The following CHN1 variants were observed in gnomAD, a reference collection of about 807,000 sequenced individuals.
CHN1 encodes the protein N-chimaerin.
In CHN1, 37 loss-of-function variants were observed where a neutral mutation model predicts 59.5. That is an observed-to-expected ratio of 0.62 (90% confidence interval 0.48 to 0.82). The LOEUF (loss-of-function observed/expected upper bound fraction) is 0.82. Among genes scored for constraint, CHN1 ranks in the 40% least tolerant of loss-of-function variants. The pLI is 0.00. For synonymous variants in CHN1, 206 were observed against 200.4 expected (o/e 1.03, Z -0.24); for missense variants, 469 against 571.0 (o/e 0.82, Z 1.82).
At chr2:174,997,121 C>T (rs1691734011) in intron 1 of CHN1, among the ~76,000 whole-genome samples, 1 of 152,190 alleles carries the variant, frequency 6.6e-6, no homozygotes, top group African/African-American at 2.4e-5. Flanking sequence ...ATATTAGGCA[C>T]TCACTAAATA....
At chr2:174,929,030 AGATT>A (rs1689255266) in intron 3 of CHN1, among the ~76,000 whole-genome samples, 1 of 152,204 alleles carries the variant, frequency 6.6e-6, no homozygotes, top group East Asian at 1.9e-4. Flanking sequence ...AAACTTACAC[AGATT>A]GTTTTACTTC....
At chr2:174,965,071 T>C (rs980478213) in intron 1 of CHN1, among the ~76,000 whole-genome samples, 1 of 152,118 alleles carries the variant, frequency 6.6e-6, no homozygotes, top group Non-Finnish European at 1.5e-5. Flanking sequence ...TGATATAATT[T>C]ATAACATTAT....
chr2:174,972,720 T>G (rs1209516987), intron 1 of CHN1, among the ~76,000 whole-genome samples: 1 of 152,148 alleles, frequency 6.6e-6, no homozygotes, highest in Non-Finnish European at 1.5e-5. Flanking sequence ...AAAGTCAGGT[T>G]GATTCAGTGC....
intron 1 of CHN1, among the ~76,000 whole-genome samples, chr2:174,953,066 G>A (rs1413800999): frequency 1.3e-5 from 2 of 151,494 alleles, no homozygotes; most frequent in African/African-American, 2.4e-5. Context: ...ACATTTTTTG[G>A]TATAGAAAGG....
At chr2:174,910,802 A>C (rs1432579838) in intron 5 of CHN1, among the ~76,000 whole-genome samples, 1 of 147,578 alleles carries the variant, frequency 6.8e-6, no homozygotes, top group East Asian at 2.1e-4. Context: ...CGGGAGGCTG[A>C]GGCAGGAGAA....
intron 6 of CHN1, among the ~76,000 whole-genome samples, chr2:174,871,215 A>G (rs1687394886): frequency 6.6e-6 from 1 of 150,618 alleles, no homozygotes; most frequent in African/African-American, 2.4e-5. Context: ...AAAGAGGAGC[A>G]TCTAGCCACC....
intron 5 of CHN1, among the ~76,000 whole-genome samples, chr2:174,879,107 G>A (rs1432251338): frequency 6.6e-6 from 1 of 152,114 alleles, no homozygotes; most frequent in Non-Finnish European, 1.5e-5. Context: ...AGTCACAAAG[G>A]ATATATTTAA....
chr2:174,978,587 T>C (rs1044466601), intron 1 of CHN1, among the ~76,000 whole-genome samples: 1 of 152,206 alleles, frequency 6.6e-6, no homozygotes, highest in Non-Finnish European at 1.5e-5. Flanking sequence ...TGCACCACAT[T>C]GAGAGACTAA....
intron 5 of CHN1, among the ~76,000 whole-genome samples, chr2:174,899,783 C>T (rs992124884): frequency 4.6e-5 from 7 of 152,104 alleles, no homozygotes; most frequent in Non-Finnish European, 8.8e-5. Context: ...AAGAATAATT[C>T]CCCAAAATTG....
At chr2:174,911,447 A>G (rs1020750295) in intron 5 of CHN1, among the ~76,000 whole-genome samples, 71 of 152,336 alleles carry the variant, frequency 4.7e-4, no homozygotes, top group Middle Eastern at 3.4e-3. Flanking sequence ...CACTCTGAAC[A>G]CGCAAATGTC....
chr2:174,831,850 C>G (rs888201779), intron 7 of CHN1, among the ~76,000 whole-genome samples: 27 of 152,094 alleles, frequency 1.8e-4, no homozygotes, highest in Non-Finnish European at 4.0e-4. Flanking sequence ...TAAAAATCAA[C>G]ACTTTGAAAT....
At chr2:174,877,423 A>G (rs1484307889) in intron 6 of CHN1, among the ~76,000 whole-genome samples, 2 of 152,106 alleles carry the variant, frequency 1.3e-5, no homozygotes, top group African/African-American at 4.8e-5. Flanking sequence ...AATCTTGCTA[A>G]GAACACAACT....
At chr2:174,922,866 AC>A (rs750539791) in intron 3 of CHN1, among the ~76,000 whole-genome samples, 3 of 152,230 alleles carry the variant, frequency 2.0e-5, no homozygotes, top group Admixed American at 6.5e-5. Context: ...ACGATTGAAT[AC>A]AAATATAAAT....
At chr2:174,972,941 T>C (rs1690804887) in intron 1 of CHN1, among the ~76,000 whole-genome samples, 1 of 152,206 alleles carries the variant, frequency 6.6e-6, no homozygotes, top group Non-Finnish European at 1.5e-5. Flanking sequence ...GTTCCTAATA[T>C]AATCACTGAT....
At chr2:174,972,583 G>A (rs1457038860) in intron 1 of CHN1, among the ~76,000 whole-genome samples, 1 of 152,172 alleles carries the variant, frequency 6.6e-6, no homozygotes, top group African/African-American at 2.4e-5. Context: ...GAAGTGGGTG[G>A]CAGAGCAGTA....
At chr2:174,979,647 T>C (rs2105447882) in intron 1 of CHN1, among the ~76,000 whole-genome samples, 1 of 152,192 alleles carries the variant, frequency 6.6e-6, no homozygotes, top group South Asian at 2.1e-4. Context: ...ACCCCATCTC[T>C]ACTGGCGGGT....
At chr2:174,804,933 T>C (rs1030217832) in intron 11 of CHN1, among the ~76,000 whole-genome samples, 3 of 152,242 alleles carry the variant, frequency 2.0e-5, no homozygotes, top group Non-Finnish European at 4.4e-5. Flanking sequence ...TGAGATCAAA[T>C]TGGCAGACAT....
At chr2:174,868,804 A>G (rs776685232) in intron 6 of CHN1, among the ~76,000 whole-genome samples, 2 of 152,248 alleles carry the variant, frequency 1.3e-5, no homozygotes, top group African/African-American at 2.4e-5. Context: ...TTCAAGGAGC[A>G]TAAGGAGAGA....
intron 1 of CHN1, among the ~76,000 whole-genome samples, chr2:174,992,108 A>G (rs548089088): frequency 6.6e-6 from 1 of 152,352 alleles, no homozygotes; most frequent in Non-Finnish European, 1.5e-5. Flanking sequence ...AACTCAAAGG[A>G]AAGGCAGAGC....
Sources: gnomAD v4.1 joint callset for allele counts (sites outside exome capture counted in the v4.1 genomes callset) on GRCh38, gnomAD v4.1.1 for gene constraint, MANE v1.5 for transcripts, NCBI Gene and HGNC (gene_info 2026-07-23, HGNC 2026-07-21) for gene names.